Variants in PPFIA2 observed in about 807,000 individuals in gnomAD.
PPFIA2 encodes the protein liprin-alpha-2.
A neutral mutation model predicts 175.5 loss-of-function variants in PPFIA2; 46 were observed. That is an observed-to-expected ratio of 0.26 (90% confidence interval 0.21 to 0.34). The LOEUF is 0.34. Ranked by LOEUF, PPFIA2 falls within the 10% of genes least tolerant of loss-of-function variation. The pLI is 1.00. For missense variants in PPFIA2, 1,179 were observed against 1,506.1 expected (o/e 0.78, Z 3.60); for synonymous variants, 568 against 511.4 (o/e 1.11, Z -1.49).
chr12:81,671,351 G>A (rs561402315), intron 4 of PPFIA2, among the ~76,000 whole-genome samples: 6 of 151,788 alleles, frequency 4.0e-5, no homozygotes, highest in Non-Finnish European at 8.8e-5. Flanking sequence ...TCACCTTACA[G>A]GCTTTTATTA....
At chr12:81,295,177 G>T in intron 23 of PPFIA2, 142 bp from the exon 24 acceptor site, 1 of 731,036 alleles carries the variant, frequency 1.4e-6, no homozygotes, top group Non-Finnish European at 2.2e-6. Context: ...TTCCCTAGAG[G>T]ACATAGATGC....
At chr12:81,508,167 T>C (rs2061378954) in intron 4 of PPFIA2, among the ~76,000 whole-genome samples, 2 of 152,098 alleles carry the variant, frequency 1.3e-5, no homozygotes, top group African/African-American at 4.8e-5. Context: ...AAGTTTATAG[T>C]ATAAATACTA....
At chr12:81,576,842 T>A (rs1056451757) in intron 4 of PPFIA2, among the ~76,000 whole-genome samples, 1 of 151,512 alleles carries the variant, frequency 6.6e-6, no homozygotes, top group Non-Finnish European at 1.5e-5. Context: ...ATTCCCTGTA[T>A]TTTTTTTGGA....
intron 18 of PPFIA2, among the ~76,000 whole-genome samples, chr12:81,346,106 G>A (rs1205551658): frequency 1.3e-5 from 2 of 152,042 alleles, no homozygotes; most frequent in African/African-American, 4.8e-5. Context: ...TGGCTTGGAA[G>A]CCTCAAAATT....
At chr12:81,743,724 A>G (rs2082662923) in intron 3 of PPFIA2, among the ~76,000 whole-genome samples, 2 of 152,164 alleles carry the variant, frequency 1.3e-5, no homozygotes, top group Admixed American at 6.5e-5. Flanking sequence ...ATAAAAGGCA[A>G]TAAGATCACT....
intron 3 of PPFIA2, among the ~76,000 whole-genome samples, chr12:81,685,467 AG>A (rs1405568853): frequency 6.6e-6 from 1 of 152,136 alleles, no homozygotes; most frequent in African/African-American, 2.4e-5. Context: ...AGTATAGGCC[AG>A]CCTGAATCTG....
intron 23 of PPFIA2, among the ~76,000 whole-genome samples, chr12:81,296,239 A>C (rs574251909): frequency 1.3e-5 from 2 of 152,250 alleles, no homozygotes; most frequent in East Asian, 3.9e-4. Context: ...GAATTGCTTA[A>C]ACCCGGGAGG....
At chr12:81,293,475 G>T (rs935362683) in intron 24 of PPFIA2, among the ~76,000 whole-genome samples, 13 of 151,666 alleles carry the variant, frequency 8.6e-5, no homozygotes, top group Non-Finnish European at 1.5e-4. Context: ...CATAATTACA[G>T]AAACTTCTTA....
chr12:81,421,738 T>C (rs552134159), intron 7 of PPFIA2, among the ~76,000 whole-genome samples: 3 of 152,080 alleles, frequency 2.0e-5, no homozygotes, highest in South Asian at 4.1e-4. Context: ...TCAAAAGGCA[T>C]AGCATGGCTG....
chr12:81,307,644 C>G (rs1256568084), intron 22 of PPFIA2, among the ~76,000 whole-genome samples: 1 of 152,136 alleles, frequency 6.6e-6, no homozygotes, highest in Non-Finnish European at 1.5e-5. Context: ...CTCTCTATCT[C>G]TCATTTGGTA....
At chr12:81,681,052 G>A (rs2073527724) in intron 3 of PPFIA2, among the ~76,000 whole-genome samples, 1 of 151,790 alleles carries the variant, frequency 6.6e-6, no homozygotes, top group Non-Finnish European at 1.5e-5. Context: ...GACTGTGTAA[G>A]TAACAAACAT....
rs757310225 is a variant in PPFIA2, at chr12:81,353,298, C to T, written c.1815G>A (p.Gln605=). 1.2e-5 allele frequency: 20 copies of T among 1,613,610 alleles called. No homozygotes were observed. The highest frequency in any genetic ancestry group is 1.7e-5 in the Non-Finnish European group (20 of 1,179,676). Residue 605 remains glutamine, a synonymous_variant, in exon 17 of 33, where the codon CAG becomes CAA. Coordinates refer to ENST00000549396, the MANE Select transcript of PPFIA2 (RefSeq NM_003625.5). ...AAGGGTGGCTGCTTAGTACTCCAATCTGTTGAGTTCTATTCCACTCGTGAT... is the reference window on the plus strand; with the variant it reads ...AAGGGTGGCTGCTTAGTACTCCAATTTGTTGAGTTCTATTCCACTCGTGAT... The part of the protein sequence containing the change: ...LGDHEWNRTQ[Q]IGVLSSHPFE...
intron 5 of PPFIA2, among the ~76,000 whole-genome samples, chr12:81,455,396 T>C (rs1303362161): frequency 6.6e-6 from 1 of 152,206 alleles, no homozygotes; most frequent in Non-Finnish European, 1.5e-5. Flanking sequence ...TCCACATCAC[T>C]GCTTTAAAGA....
At chr12:81,505,049 C>T (rs922958346) in intron 4 of PPFIA2, among the ~76,000 whole-genome samples, 3 of 151,994 alleles carry the variant, frequency 2.0e-5, no homozygotes, top group Admixed American at 6.6e-5. Flanking sequence ...ATGTAGATAA[C>T]GGGTTGATGC....
At chr12:81,447,647 T>C (rs998049173) in intron 5 of PPFIA2, among the ~76,000 whole-genome samples, 1 of 152,196 alleles carries the variant, frequency 6.6e-6, no homozygotes, top group African/African-American at 2.4e-5. Flanking sequence ...TAAACAAATT[T>C]TTCTACCAAA....
intron 4 of PPFIA2, among the ~76,000 whole-genome samples, chr12:81,669,752 T>C (rs1265298513): frequency 6.6e-6 from 1 of 151,924 alleles, no homozygotes; most frequent in Non-Finnish European, 1.5e-5. Flanking sequence ...CCTAAGTGGA[T>C]AAGCTATGGA....
intron 3 of PPFIA2, among the ~76,000 whole-genome samples, chr12:81,738,693 A>G (rs1460153690): frequency 1.3e-5 from 2 of 151,884 alleles, no homozygotes; most frequent in Non-Finnish European, 2.9e-5. Flanking sequence ...AACACAGGAT[A>G]GGAAAAATAG....
chr12:81,352,951 C>G (rs529943549), intron 17 of PPFIA2, among the ~76,000 whole-genome samples, 168 bp downstream of exon 17: 1 of 152,210 alleles, frequency 6.6e-6, no homozygotes, highest in African/African-American at 2.4e-5. Flanking sequence ...TCCTGGGAAT[C>G]TTCTGAAAAT....
intron 30 of PPFIA2, among the ~76,000 whole-genome samples, chr12:81,265,291 CAAAAAA>C (rs571821814): frequency 1.3e-3 from 88 of 69,982 alleles, no homozygotes; most frequent in South Asian, 2.9e-3. Context: ...GAAACTCTGT[CAAAAAA>C]AAAAAAAAAA....
Sources: allele counts gnomAD v4.1 joint callset (sites outside exome capture counted in the v4.1 genomes callset), GRCh38; gene constraint gnomAD v4.1.1; transcripts MANE v1.5; gene names NCBI Gene and HGNC (gene_info 2026-07-23, HGNC 2026-07-21).